Variants in ERBB4 observed in about 807,000 individuals in gnomAD.
The protein encoded by ERBB4 is erb-b2 receptor tyrosine kinase 4.
A neutral mutation model predicts 158.0 loss-of-function variants in ERBB4; 42 were observed. The observed-to-expected ratio is 0.27, with a 90% confidence interval of 0.21 to 0.34. ERBB4 has a LOEUF of 0.34. Among genes scored for constraint, ERBB4 ranks in the 10% least tolerant of loss-of-function variants. The probability of loss-of-function intolerance (pLI) is 1.00; values close to 1 mark genes in which losing one functional copy is unlikely to be tolerated. For missense variants in ERBB4, 1,333 were observed against 1,624.1 expected, an observed-to-expected ratio of 0.82 and a Z score of 3.08; for synonymous variants, 583 against 558.7, an observed-to-expected ratio of 1.04 and a Z score of -0.61.
intron 25 of ERBB4, among the ~76,000 whole-genome samples, chr2:211,399,852 G>A (rs1176357638): frequency 1.3e-5 from 2 of 152,046 alleles, no homozygotes; most frequent in African/African-American, 4.8e-5. Context: ...CAATAAGACA[G>A]ACCTTGTAGA....
At chr2:211,584,268 TTTTG>T (rs2068196007) in intron 19 of ERBB4, among the ~76,000 whole-genome samples, 1 of 151,920 alleles carries the variant, frequency 6.6e-6, no homozygotes, top group Non-Finnish European at 1.5e-5. Context: ...TTTTGGGGTA[TTTTG>T]TTTTTGTTGT....
At chr2:212,130,627 T>C (rs1171359786) in intron 1 of ERBB4, among the ~76,000 whole-genome samples, 1 of 152,088 alleles carries the variant, frequency 6.6e-6, no homozygotes, top group Admixed American at 6.5e-5. Context: ...AAAGAAAAGA[T>C]GATGGGAATT....
At chr2:211,398,659 CA>C (rs1270582168) in intron 25 of ERBB4, among the ~76,000 whole-genome samples, 6 of 152,086 alleles carry the variant, frequency 3.9e-5, no homozygotes, top group African/African-American at 1.4e-4. Context: ...GGTGAAACCC[CA>C]TCTCTACTAA....
chr2:212,523,294 C>A (rs1306921212), intron 1 of ERBB4, among the ~76,000 whole-genome samples: 1 of 151,888 alleles, frequency 6.6e-6, no homozygotes. Context: ...CAAATGCAGG[C>A]CCAGTTTTCT....
chr2:211,434,907 C>A (rs147068085), intron 20 of ERBB4, among the ~76,000 whole-genome samples: 6 of 152,294 alleles, frequency 3.9e-5, no homozygotes, highest in Admixed American at 1.3e-4. Flanking sequence ...GCTTTCAAAT[C>A]ATTACTTACT....
intron 1 of ERBB4, among the ~76,000 whole-genome samples, chr2:212,369,422 A>T (rs574483914): frequency 6.6e-6 from 1 of 152,244 alleles, no homozygotes; most frequent in Admixed American, 6.5e-5. Flanking sequence ...GCATTGAATT[A>T]AAAAAATGTA....
chr2:212,177,239 T>C (rs1166519963), intron 1 of ERBB4, among the ~76,000 whole-genome samples: 1 of 151,786 alleles, frequency 6.6e-6, no homozygotes. Flanking sequence ...TTATACTATA[T>C]ATATATAAAA....
chr2:212,228,002 T>A (rs2083532758), intron 1 of ERBB4, among the ~76,000 whole-genome samples: 1 of 152,188 alleles, frequency 6.6e-6, no homozygotes, highest in African/African-American at 2.4e-5. Context: ...CATGTCGCAA[T>A]GTTCAGATCA....
chr2:211,799,324 A>T (rs920553312), intron 3 of ERBB4, among the ~76,000 whole-genome samples: 1 of 152,190 alleles, frequency 6.6e-6, no homozygotes, highest in Non-Finnish European at 1.5e-5. Flanking sequence ...AATGTGTATT[A>T]CCATGTCTTC....
intron 2 of ERBB4, among the ~76,000 whole-genome samples, chr2:212,060,631 TA>T: frequency 1.5e-5 from 1 of 67,274 alleles, no homozygotes; most frequent in Non-Finnish European, 4.2e-5. Flanking sequence ...TATGCAGCCA[TA>T]AAAAAGAATG....
chr2:211,835,008 T>C (rs2077309400), intron 3 of ERBB4, among the ~76,000 whole-genome samples: 1 of 152,144 alleles, frequency 6.6e-6, no homozygotes, highest in Non-Finnish European at 1.5e-5. Flanking sequence ...TGCATAAACA[T>C]GTCAACCACA....
intron 20 of ERBB4, among the ~76,000 whole-genome samples, chr2:211,448,685 C>T (rs773646826): frequency 1.3e-5 from 2 of 152,074 alleles, no homozygotes; most frequent in Non-Finnish European, 2.9e-5. Flanking sequence ...TGCATTACAA[C>T]CCCATCAATT....
chr2:212,416,005 G>C (rs984729100), intron 1 of ERBB4, among the ~76,000 whole-genome samples: 3 of 152,094 alleles, frequency 2.0e-5, no homozygotes, highest in African/African-American at 7.2e-5. Context: ...CAAGACAGCA[G>C]CAACAAAGCA....
chr2:212,213,626 A>G (rs572171009), intron 1 of ERBB4, among the ~76,000 whole-genome samples: 2 of 152,022 alleles, frequency 1.3e-5, no homozygotes, highest in South Asian at 2.1e-4. Flanking sequence ...TACAATGCTA[A>G]AGTAATTTTC....
intron 1 of ERBB4, among the ~76,000 whole-genome samples, chr2:212,468,995 G>C (rs974675244): frequency 2.0e-5 from 3 of 151,924 alleles, no homozygotes; most frequent in African/African-American, 4.8e-5. Context: ...ACTGCTATGG[G>C]GATCAATCAA....
intron 20 of ERBB4, among the ~76,000 whole-genome samples, chr2:211,433,567 T>A (rs1371493084): frequency 6.9e-6 from 1 of 144,890 alleles, no homozygotes; most frequent in Non-Finnish European, 1.5e-5. Flanking sequence ...GGCAACAGAG[T>A]GAGACTCTCA....
At chr2:212,078,347 G>C (rs971929189) in intron 2 of ERBB4, among the ~76,000 whole-genome samples, 2 of 151,604 alleles carry the variant, frequency 1.3e-5, no homozygotes, top group Non-Finnish European at 2.9e-5. Context: ...CTCTAGTCCC[G>C]ATCAGATTTT....
At chr2:212,083,242 G>T (rs1040282697) in intron 2 of ERBB4, among the ~76,000 whole-genome samples, 8 of 151,928 alleles carry the variant, frequency 5.3e-5, no homozygotes, top group African/African-American at 1.9e-4. Flanking sequence ...TTTTCATGAA[G>T]TATGTAATTC....
At chr2:211,571,994 A>G (rs1384303902) in intron 19 of ERBB4, among the ~76,000 whole-genome samples, 1 of 151,816 alleles carries the variant, frequency 6.6e-6, no homozygotes, top group South Asian at 2.1e-4. Context: ...TCTTGGATTT[A>G]TATTTGGTAT....
Sources: allele counts gnomAD v4.1 joint callset (sites outside exome capture counted in the v4.1 genomes callset), GRCh38; gene constraint gnomAD v4.1.1; transcripts MANE v1.5; gene names NCBI Gene and HGNC (gene_info 2026-07-23, HGNC 2026-07-21).